Variants in NSMCE4A observed in about 807,000 individuals in gnomAD.
NSMCE4A encodes non-structural maintenance of chromosomes element 4 homolog A.
In NSMCE4A, 40 loss-of-function variants were observed where a neutral mutation model predicts 47.9. That is an observed-to-expected ratio of 0.83 (90% CI 0.65 to 1.09). The LOEUF (loss-of-function observed/expected upper bound fraction) is 1.09. Ranked by LOEUF, NSMCE4A falls within the 50% of genes least tolerant of loss-of-function variation. NSMCE4A has a pLI of 0.00. For synonymous variants in NSMCE4A, 166 were observed against 178.5 expected, an observed-to-expected ratio of 0.93 and a Z score of 0.56; for missense variants, 500 against 507.0, an observed-to-expected ratio of 0.99 and a Z score of 0.13.
chr10:121,958,258 A>G (rs1282589435), intron 10 of NSMCE4A, among the ~76,000 whole-genome samples: 5 of 152,146 alleles, frequency 3.3e-5, no homozygotes, highest in Non-Finnish European at 7.4e-5. Context: ...GGTGAGATTA[A>G]GTGACTTGCC....
intron 8 of NSMCE4A, 48 bp from the exon 9 acceptor site, chr10:121,959,643 G>A: frequency 7.6e-7 from 1 of 1,308,862 alleles, no homozygotes; most frequent in East Asian, 2.3e-5. Flanking sequence ...TATTAAATCG[G>A]AACAGGTAAT....
intron 5 of NSMCE4A, 108 bp from the exon 6 acceptor site, chr10:121,963,436 CTT>C (rs59415272): frequency 5.3e-3 from 2,863 of 535,502 alleles, no homozygotes; most frequent in Middle Eastern, 6.8e-3. Context: ...CACCCGAACT[CTT>C]TTTTTTTTTT....
chr10:121,965,287 T>C lies in NSMCE4A; in HGVS notation c.752A>G (p.Gln251Arg), dbSNP rs2134754579. ...TAAAAGCAACATTTTAAAACAAACC[T>C]GGGCAGGCATTGCCCTCTCCTCTTG... ...VIQEERAMPA[Q>R]LRRMEESHQE... Residue 251 changes from glutamine (Q) to arginine (R), a missense_variant and splice_region_variant, in exon 5 of 11, where the codon CAG (glutamine) becomes CGG (arginine). Gln to Arg is a conservative substitution (Grantham distance 43, BLOSUM62 1). Coordinates refer to ENST00000369023, the MANE Select transcript of NSMCE4A (RefSeq NM_017615.3). The C allele has an allele frequency of 2.5e-6, 4 of 1,603,034 alleles. No homozygotes were observed. Among genetic ancestry groups the C allele is most frequent in the East Asian group, 4.5e-5 (2 of 44,816 alleles).
intron 4 of NSMCE4A, chr10:121,966,830 A>C (rs894684296): frequency 6.6e-6 from 1 of 152,230 alleles, no homozygotes; most frequent in Non-Finnish European, 1.5e-5. Flanking sequence ...CCATAGGACC[A>C]TGCCAGGAAG....
rs376254111 is a variant in NSMCE4A, at chr10:121,959,317, A to G, written c.*12+7T>C. The G allele has an allele frequency of 7.7e-5, 124 of 1,609,518 alleles. No individual in the cohort carries two copies. Among genetic ancestry groups the G allele is most frequent in the Non-Finnish European group, 9.9e-5 (117 of 1,175,902 alleles). ...GAACTGTGTAGCCATCCCATTGAAA[A>G]GGTTACCTTCAGCTAGCATCAAGCA... On this transcript the variant is annotated splice_region_variant and intron_variant, in intron 10 of 10. Transcript: ENST00000369023.
chr10:121,960,464 C>A lies in NSMCE4A; in HGVS notation c.940-58G>T. The A allele has an allele frequency of 7.9e-7, 1 of 1,259,404 alleles. No individual in the cohort carries two copies. The highest frequency in any genetic ancestry group is 1.1e-6 in the Non-Finnish European group (1 of 923,050). The allele number at this position is 1,259,404 out of a possible 1,614,324, so 78.0% of individuals were successfully genotyped here. On this transcript the variant is annotated intron_variant, in intron 7 of 10. Coordinates refer to ENST00000369023, the MANE Select transcript of NSMCE4A (RefSeq NM_017615.3). The surrounding 1 kb of genome is among the most constrained non-coding windows in gnomAD (Gnocchi z 4.2). Reference sequence around the variant, plus strand: ...AACATTTAAGACTCAAACCTATACGCACTAGATGGAAAAAATTACTCAGAA... The same window carrying A: ...AACATTTAAGACTCAAACCTATACGAACTAGATGGAAAAAATTACTCAGAA...
At chr10:121,971,156 A>T in intron 2 of NSMCE4A, 87 bp from the exon 3 acceptor site, 31 of 1,044,646 alleles carry the variant, frequency 3.0e-5, no homozygotes, top group South Asian at 5.4e-5. Flanking sequence ...ACTTACCAGG[A>T]TTTCCCACTG....
chr10:121,974,563 A>G, intron 1 of NSMCE4A: 1 of 1,020,994 alleles, frequency 9.8e-7, no homozygotes, highest in Non-Finnish European at 1.2e-6. Context: ...CAATCAAAGC[A>G]CGCGGAGTCC....
intron 1 of NSMCE4A, chr10:121,974,312 C>T (rs948859347): frequency 1.3e-5 from 18 of 1,334,608 alleles, no homozygotes; most frequent in South Asian, 1.9e-5. Flanking sequence ...TAACCTTAAC[C>T]CAAAGGGCTG....
In NSMCE4A at chr10:121,975,033, C is replaced by G. The variant is rs1315059159; in HGVS notation, c.133G>C (p.Glu45Gln). 6.7e-7 allele frequency: 1 copy of G among 1,487,692 alleles called. No homozygotes were observed. Among genetic ancestry groups the G allele is most frequent in the African/African-American group, 1.5e-5 (1 of 68,174 alleles). The allele number at this position is 1,487,692 out of a possible 1,614,324, so 92.2% of individuals were successfully genotyped here. ...SPRSRRGSAR[E>Q]RREAPERPSL... ...GGGCGCTCTGGGGCCTCTCTGCGCT[C>G]CCGCGCAGAGCCGCGGCGGGACCTG... The change falls in exon 1 of 11, where the codon GAG becomes CAG. Residue 45 changes from glutamate to glutamine, a missense_variant. Physicochemically the swap from Glu to Gln is conservative, Grantham distance 29. Transcript: ENST00000369023.
intron 6 of NSMCE4A, among the ~76,000 whole-genome samples, 199 bp downstream of exon 6, chr10:121,963,039 T>C (rs565121165): frequency 6.6e-6 from 1 of 152,246 alleles, no homozygotes; most frequent in South Asian, 2.1e-4. Context: ...ACAAAAAAAA[T>C]CCCCATCTTT....
Position 121,973,863 on chromosome 10 carries a change from A to G in NSMCE4A, c.370+141T>C, listed in dbSNP as rs1367338792. ...GTAAGTGCATAATAAAAATGGCATT[A>G]TTGCTATAATGAAACGGTTCCCGAA... On this transcript the variant is annotated intron_variant, in intron 2 of 10. Transcript: ENST00000369023. The G allele has an allele frequency of 6.4e-6, 4 of 625,654 alleles. No homozygotes were observed. The Admixed American group carries it at 1.2e-4, about 18-fold the overall frequency. 38.8% of individuals were successfully genotyped at this position (625,654 alleles called of 1,614,324 possible). A position where few individuals can be genotyped will look rare whatever the true frequency, so the allele number is the denominator to read the frequency against.
At chr10:121,972,771 G>A (rs953223560) in intron 2 of NSMCE4A, among the ~76,000 whole-genome samples, 21 of 152,132 alleles carry the variant, frequency 1.4e-4, no homozygotes, top group East Asian at 5.8e-4. Context: ...AGAAACACCC[G>A]GTTCCTGAAG....
chr10:121,958,322 G>T (rs890550115), intron 10 of NSMCE4A, among the ~76,000 whole-genome samples: 3 of 152,144 alleles, frequency 2.0e-5, no homozygotes, highest in Non-Finnish European at 2.9e-5. Flanking sequence ...GGGCATAGCC[G>T]ATAGAATCTA....
At chr10:121,974,585 C>T (rs1952781051) in intron 1 of NSMCE4A, 3 of 1,039,980 alleles carry the variant, frequency 2.9e-6, no homozygotes, top group Non-Finnish European at 3.5e-6. Flanking sequence ...CGTCCTGCCT[C>T]TCCCCACTGG....
Position 121,974,984 on chromosome 10 carries a change from G to A in NSMCE4A, c.182C>T (p.Ser61Leu). The change falls in exon 1 of 11, where the codon TCG (serine) becomes TTG (leucine). Residue 61 changes from serine to leucine, a missense_variant. Coordinates refer to ENST00000369023, the MANE Select transcript of NSMCE4A (RefSeq NM_017615.3). ...ERPSLEDTEP[S>L]DSGDEMMDPA... ...GTCCATCATCTCGTCCCCGGAATCC[G>A]ACGGCTCTGTGTCCTCCAGGCTCGG... is the stretch of plus-strand genomic sequence containing the variant. The A allele has an allele frequency of 1.3e-6, 2 of 1,523,312 alleles. No homozygotes were observed. The highest frequency in any genetic ancestry group is 8.8e-7 in the Non-Finnish European group (1 of 1,138,070). The allele number at this position is 1,523,312 out of a possible 1,614,324, so 94.4% of individuals were successfully genotyped here.
intron 2 of NSMCE4A, among the ~76,000 whole-genome samples, chr10:121,971,305 TC>T (rs1221010282): frequency 1.3e-5 from 2 of 151,916 alleles, no homozygotes; most frequent in African/African-American, 4.8e-5. Context: ...GGTCAGGAGA[TC>T]GAGACCATCC....
At chr10:121,967,590 C>T in intron 4 of NSMCE4A, 65 bp downstream of exon 4, 7 of 1,517,562 alleles carry the variant, frequency 4.6e-6, no homozygotes, top group Non-Finnish European at 6.2e-6. Flanking sequence ...ATCTTTGTCC[C>T]TACAAGAAAA....
chr10:121,970,893 A>G lies in NSMCE4A; in HGVS notation c.501+46T>C, dbSNP rs1436090574. 5 of 1,509,932 alleles carry G rather than the reference A, an allele frequency of 3.3e-6. No individual in the cohort carries two copies. The African/African-American group carries it at 5.6e-5, about 17-fold the overall frequency. The allele number at this position is 1,509,932 out of a possible 1,614,324, so 93.5% of individuals were successfully genotyped here. On this transcript the variant is annotated intron_variant, in intron 3 of 10. Coordinates refer to ENST00000369023, the MANE Select transcript of NSMCE4A (RefSeq NM_017615.3). ...TATGAGCACAGTAAATAATTATAAT[A>G]TATAACAGAACATTTTTTATTCAGA... is the stretch of plus-strand genomic sequence containing the variant.
Sources: allele counts gnomAD v4.1 joint callset (sites outside exome capture counted in the v4.1 genomes callset), GRCh38; gene constraint gnomAD v4.1.1; non-coding constraint Gnocchi (gnomAD v3.1); transcripts MANE v1.5; gene names NCBI Gene and HGNC (gene_info 2026-07-23, HGNC 2026-07-21).